The following ODAD2 variants were observed in gnomAD, a reference collection of about 807,000 sequenced individuals.
ODAD2 encodes the protein outer dynein arm-docking complex subunit 2.
Under a neutral mutation model 106.8 loss-of-function variants are expected in ODAD2, and 89 were observed. The observed-to-expected ratio is 0.83, with a 90% CI of 0.70 to 0.99. The LOEUF is 0.99. Among genes scored for constraint, ODAD2 ranks in the 50% least tolerant of loss-of-function variants. ODAD2 has a pLI of 0.00. For synonymous variants in ODAD2, 404 were observed against 436.2 expected, an observed-to-expected ratio of 0.93 and a Z score of 0.92; for missense variants, 1,168 against 1,238.5, an observed-to-expected ratio of 0.94 and a Z score of 0.85.
chr10:27,940,712 G>A lies in ODAD2; in HGVS notation c.1837C>T (p.Leu613=). The change falls in exon 13 of 20, where the codon CTG becomes TTG. Residue 613 remains leucine (L), a synonymous_variant. Coordinates refer to ENST00000305242, the MANE Select transcript of ODAD2 (RefSeq NM_018076.5). The part of the protein sequence containing the change: ...RDVEVARCGA[L]ALWSCSKSHT... ...CTCTTACTGCAGCTCCACAGGGCCA[G>A]TGCCCCACAGCGAGCCACTTCCACG... The A allele has an allele frequency of 6.2e-7, 1 of 1,614,122 alleles. No homozygotes were observed. Among genetic ancestry groups the A allele is most frequent in the Middle Eastern group, 1.7e-4 (1 of 6,058 alleles).
intron 2 of ODAD2, among the ~76,000 whole-genome samples, chr10:27,992,160 A>G (rs1233412399): frequency 1.3e-5 from 2 of 152,076 alleles, no homozygotes; most frequent in Non-Finnish European, 1.5e-5. Flanking sequence ...TCTTCAAGGC[A>G]CTCTTGGTTT....
chr10:27,904,728 G>T (rs1013891265), intron 17 of ODAD2, among the ~76,000 whole-genome samples: 2 of 152,130 alleles, frequency 1.3e-5, no homozygotes, highest in African/African-American at 4.8e-5. Flanking sequence ...TGGCTATTCC[G>T]ACATGTTTAT....
At chr10:27,924,589 C>T (rs759868403) in intron 16 of ODAD2, among the ~76,000 whole-genome samples, 18 of 44,388 alleles carry the variant, frequency 4.1e-4, no homozygotes, top group East Asian at 5.2e-4. Context: ...AATAGAGAAA[C>T]CATACTAGCT....
intron 19 of ODAD2, among the ~76,000 whole-genome samples, chr10:27,849,839 TC>T (rs1839111947): frequency 6.6e-6 from 1 of 152,200 alleles, no homozygotes; most frequent in Non-Finnish European, 1.5e-5. Flanking sequence ...AATTTTCAAT[TC>T]TTTTTAAAGT....
At chr10:27,861,194 G>A (rs1840018092) in intron 18 of ODAD2, among the ~76,000 whole-genome samples, 2 of 152,316 alleles carry the variant, frequency 1.3e-5, no homozygotes, top group South Asian at 2.1e-4. Flanking sequence ...GTTTCACCAT[G>A]TTGGCCAGGC....
chr10:27,990,060 C>T (rs575516101), intron 2 of ODAD2, among the ~76,000 whole-genome samples: 5 of 152,152 alleles, frequency 3.3e-5, no homozygotes, highest in Non-Finnish European at 7.4e-5. Context: ...AAACCAGAAT[C>T]GTGGAAGGGA....
At chr10:27,855,921 A>G (rs1013502452) in intron 19 of ODAD2, among the ~76,000 whole-genome samples, 7 of 152,334 alleles carry the variant, frequency 4.6e-5, no homozygotes, top group Non-Finnish European at 7.3e-5. Flanking sequence ...TTGCAAAAAC[A>G]AATCCAATGA....
intron 17 of ODAD2, among the ~76,000 whole-genome samples, chr10:27,872,331 A>G (rs1400555560): frequency 1.3e-5 from 2 of 151,844 alleles, no homozygotes; most frequent in Non-Finnish European, 2.9e-5. Flanking sequence ...TCTTTTCCTA[A>G]TTAAATACCC....
intron 19 of ODAD2, among the ~76,000 whole-genome samples, chr10:27,839,645 T>A (rs1460528465): frequency 1.3e-5 from 2 of 152,206 alleles, no homozygotes; most frequent in Non-Finnish European, 2.9e-5. Flanking sequence ...ATTAGCTTCA[T>A]GTGAGCGCCA....
chr10:27,940,878 A>G lies in ODAD2; in HGVS notation c.1744-73T>C. On this transcript the variant is annotated intron_variant, in intron 12 of 19. Transcript: ENST00000305242. Reference sequence around the variant, plus strand: ...ATTTAAGGCATTCTTCAATAGCTACAGTGTTCCTTACCAAGCTCACCTCCG... The same window carrying G: ...ATTTAAGGCATTCTTCAATAGCTACGGTGTTCCTTACCAAGCTCACCTCCG... The G allele has an allele frequency of 2.0e-6, 3 of 1,474,282 alleles. No homozygotes were observed. The South Asian group carries it at 3.8e-5, about 19-fold the overall frequency. 91.3% of individuals were successfully genotyped at this position (1,474,282 alleles called of 1,614,324 possible).
At position 27,991,475 on chromosome 10, in the gene ODAD2, T is replaced by G. The variant is rs573461150; in HGVS notation, c.224+3444A>C. 2.3e-3 allele frequency among the ~76,000 whole-genome samples: 348 copies of G among 152,300 alleles called. 1 individual carries two copies. The highest frequency in any genetic ancestry group is 8.1e-3 in the African/African-American group (336 of 41,562). ...TAAAGTATCAGTTTCAGTATCAGATTCTCATTAGCCTAATCAGAAAAAGGA... is the reference window on the plus strand; with the variant it reads ...TAAAGTATCAGTTTCAGTATCAGATGCTCATTAGCCTAATCAGAAAAAGGA... On this transcript the variant is annotated intron_variant, in intron 2 of 19. Transcript: ENST00000305242.
At chr10:27,978,651 G>T (rs1179871855) in intron 7 of ODAD2, among the ~76,000 whole-genome samples, 1 of 151,842 alleles carries the variant, frequency 6.6e-6, no homozygotes, top group Non-Finnish European at 1.5e-5. Flanking sequence ...AATTAGCCGG[G>T]TGTGGTGGTG....
chr10:27,825,534 C>G (rs1029064722), intron 19 of ODAD2, among the ~76,000 whole-genome samples: 2 of 152,216 alleles, frequency 1.3e-5, no homozygotes, highest in Admixed American at 6.5e-5. Context: ...GTCCTTCCAT[C>G]ACTTCAAAAC....
chr10:27,940,552 G>A lies in ODAD2; in HGVS notation c.1986+11C>T. 1.2e-6 allele frequency: 2 copies of A among 1,612,610 alleles called. No homozygotes were observed. Among genetic ancestry groups the A allele is most frequent in the Non-Finnish European group, 1.7e-6 (2 of 1,178,814 alleles). ...TTGAGAAGGCAAGGGAAGCAGAACT[G>A]GCATGAGTACCTCTGATGCACACTC... On this transcript the variant is annotated intron_variant, in intron 13 of 19. Coordinates refer to ENST00000305242, the MANE Select transcript of ODAD2 (RefSeq NM_018076.5).
At chr10:27,842,356 A>G (rs1486521992) in intron 19 of ODAD2, among the ~76,000 whole-genome samples, 1 of 152,182 alleles carries the variant, frequency 6.6e-6, no homozygotes. Context: ...ATTTCTTTGA[A>G]AAAAGGGTGC....
At chr10:27,901,553 G>A (rs979140696) in intron 17 of ODAD2, among the ~76,000 whole-genome samples, 31 of 152,144 alleles carry the variant, frequency 2.0e-4, no homozygotes, top group Admixed American at 5.2e-4. Context: ...CCGGTGTGCT[G>A]TATTCAGGAG....
chr10:27,886,372 T>C (rs1842220463), intron 17 of ODAD2, among the ~76,000 whole-genome samples: 1 of 151,896 alleles, frequency 6.6e-6, no homozygotes, highest in South Asian at 2.1e-4. Flanking sequence ...AGATTACATA[T>C]TTAAAATGAT....
chr10:27,955,908 C>T (rs568292032), intron 10 of ODAD2, among the ~76,000 whole-genome samples: 5 of 152,024 alleles, frequency 3.3e-5, no homozygotes, highest in East Asian at 1.9e-4. Flanking sequence ...GCTGGCAGCC[C>T]GGTGGCATTT....
chr10:27,870,541 T>A (rs1840789294), intron 17 of ODAD2, among the ~76,000 whole-genome samples: 1 of 151,966 alleles, frequency 6.6e-6, no homozygotes. Context: ...TGTGTGATGG[T>A]CCCCTTCCTG....
Sources: gnomAD v4.1 joint callset for allele counts (sites outside exome capture counted in the v4.1 genomes callset) on GRCh38, gnomAD v4.1.1 for gene constraint, MANE v1.5 for transcripts, NCBI Gene and HGNC (gene_info 2026-07-23, HGNC 2026-07-21) for gene names.